The following FKBP5 variants were observed in gnomAD, a reference collection of about 807,000 sequenced individuals.
The protein encoded by FKBP5 is FKBP prolyl isomerase 5.
In FKBP5, 23 loss-of-function variants were observed where a neutral mutation model predicts 50.5. The ratio of observed to expected loss-of-function variants is 0.46; its 90% confidence interval spans 0.33 to 0.65. The LOEUF (loss-of-function observed/expected upper bound fraction) is 0.65. FKBP5 is among the 30% of genes least tolerant of loss of function. The pLI is 0.02. For missense variants in FKBP5, 411 were observed against 553.1 expected, an observed-to-expected ratio of 0.74 and a Z score of 2.58; for synonymous variants, 176 against 190.6, an observed-to-expected ratio of 0.92 and a Z score of 0.63.
intron 2 of FKBP5, among the ~76,000 whole-genome samples, chr6:35,703,951 T>G (rs928994599): frequency 6.6e-6 from 1 of 152,168 alleles, no homozygotes; most frequent in East Asian, 1.9e-4. Context: ...TAGCAGCCAT[T>G]TTCTCTGCAA....
Position 35,701,900 on chromosome 6 carries a change from T to G in FKBP5, c.-20+18428A>C, listed in dbSNP as rs575517365. 6.0e-5 allele frequency among the ~76,000 whole-genome samples: 9 copies of G among 151,002 alleles called. No homozygotes were observed. In the South Asian group the frequency reaches 1.7e-3, roughly 28 times the overall value. On this transcript the variant is annotated intron_variant, in intron 2 of 11. Coordinates refer to the FKBP5 transcript ENST00000536438. ...TCTCACTCTGTCACCCAGGCTGGAG[T>G]GCAATGGCATGATTTCGGCTCACTG...
chr6:35,629,448 C>A (rs1479761534), intron 3 of FKBP5, among the ~76,000 whole-genome samples: 1 of 152,102 alleles, frequency 6.6e-6, no homozygotes, highest in Non-Finnish European at 1.5e-5. Context: ...TTTGTCATTT[C>A]TCTAACTACT....
chr6:35,634,961 G>A (rs1013469053), intron 3 of FKBP5, among the ~76,000 whole-genome samples: 3 of 148,566 alleles, frequency 2.0e-5, no homozygotes, highest in African/African-American at 5.1e-5. Context: ...AGGCTGAGGC[G>A]GGCAGATTGC....
chr6:35,654,493 C>T (rs1764894597), intron 1 of FKBP5, among the ~76,000 whole-genome samples: 1 of 152,018 alleles, frequency 6.6e-6, no homozygotes, highest in Non-Finnish European at 1.5e-5. Context: ...TGTACTATTC[C>T]CCTCATTGTC....
intron 2 of FKBP5, among the ~76,000 whole-genome samples, chr6:35,640,206 C>T (rs963887326): frequency 6.6e-6 from 1 of 152,214 alleles, no homozygotes; most frequent in Admixed American, 6.5e-5. Flanking sequence ...AGTGTACTTA[C>T]ACAAACCTAG....
intron 4 of FKBP5, 49 bp from the exon 5 acceptor site, chr6:35,619,259 C>A (rs780599045): frequency 1.5e-6 from 2 of 1,319,304 alleles, no homozygotes; most frequent in Non-Finnish European, 2.2e-6. Flanking sequence ...ATAAAGCCAA[C>A]TGAACATATG....
At chr6:35,628,723 G>A (rs988606926) in intron 3 of FKBP5, among the ~76,000 whole-genome samples, 4 of 151,728 alleles carry the variant, frequency 2.6e-5, no homozygotes, top group Non-Finnish European at 5.9e-5. Flanking sequence ...AGGTTTTTTT[G>A]TTTTTGTTTT....
At chr6:35,688,694 G>A (rs1765910852) in intron 1 of FKBP5, 110 bp downstream of exon 1, 2 of 150,848 alleles carry the variant, frequency 1.3e-5, no homozygotes, top group East Asian at 1.9e-4. Flanking sequence ...GCCGCGTGGG[G>A]GTGGGAGCTG....
intron 8 of FKBP5, chr6:35,581,587 AAAAAC>A (rs59501604): frequency 0.75 from 734,056 of 976,560 alleles, 276,388 homozygotes; most frequent in Non-Finnish European, 0.76. Context: ...GAGACTCCTC[AAAAAC>A]AAAACAAAAC....
chr6:35,624,768 T>C (rs551925534), intron 3 of FKBP5, among the ~76,000 whole-genome samples: 16 of 152,268 alleles, frequency 1.1e-4, no homozygotes, highest in African/African-American at 3.9e-4. Flanking sequence ...ACAAGTCCTA[T>C]AAAATATTCC....
intron 1 of FKBP5, among the ~76,000 whole-genome samples, chr6:35,687,436 T>C (rs746140087): frequency 5.9e-5 from 9 of 152,160 alleles, no homozygotes; most frequent in Non-Finnish European, 1.3e-4. Flanking sequence ...TGGCTTTTGA[T>C]TCAAACACCA....
intron 5 of FKBP5, among the ~76,000 whole-genome samples, chr6:35,609,267 G>T (rs192088158): frequency 9.2e-5 from 14 of 151,472 alleles, no homozygotes; most frequent in Admixed American, 8.5e-4. Flanking sequence ...TATTTTTTTC[G>T]AAAAGAATAT....
intron 2 of FKBP5, among the ~76,000 whole-genome samples, chr6:35,640,780 T>C (rs1764463315): frequency 6.6e-6 from 1 of 152,212 alleles, no homozygotes; most frequent in African/African-American, 2.4e-5. Context: ...AACTTTTTTT[T>C]GTTTAAAACT....
chr6:35,621,771 T>TA (rs1403366871), intron 3 of FKBP5, among the ~76,000 whole-genome samples: 4 of 151,710 alleles, frequency 2.6e-5, no homozygotes, highest in Non-Finnish European at 5.9e-5. Flanking sequence ...CCCTTGAGCT[T>TA]AGGAGTTTGA....
At chr6:35,686,267 GT>G (rs756595700) in intron 1 of FKBP5, among the ~76,000 whole-genome samples, 8 of 152,020 alleles carry the variant, frequency 5.3e-5, no homozygotes, top group Non-Finnish European at 1.2e-4. Context: ...ACAAGTTAAA[GT>G]AGAGAAAAAT....
intron 8 of FKBP5, chr6:35,584,269 G>A (rs1265907247): frequency 2.0e-6 from 2 of 985,244 alleles, no homozygotes; most frequent in Non-Finnish European, 2.4e-6. Context: ...GTTGAAATGA[G>A]GACTTTACAT....
At chr6:35,727,740 C>CCGGACTGAGCGCTGGAGAAGCA in intron 1 of FKBP5, among the ~76,000 whole-genome samples, 1 of 152,352 alleles carries the variant, frequency 6.6e-6, no homozygotes, top group South Asian at 2.1e-4. Flanking sequence ...CTCCCGCCCC[C>CCGGACTGAGCGCTGGAGAAGCA]CGGACTGAGC....
At chr6:35,591,315 G>T in intron 6 of FKBP5, 95 bp from the exon 7 acceptor site, 1 of 781,360 alleles carries the variant, frequency 1.3e-6, no homozygotes, top group Non-Finnish European at 2.1e-6. Context: ...GCTATCATTT[G>T]CAAGCTACAT....
intron 1 of FKBP5, among the ~76,000 whole-genome samples, chr6:35,648,292 C>T (rs1337081669): frequency 6.6e-6 from 1 of 152,120 alleles, no homozygotes; most frequent in East Asian, 1.9e-4. Flanking sequence ...TCTTAAGAGA[C>T]AGGGTCTTGC....
Sources: allele counts gnomAD v4.1 joint callset (sites outside exome capture counted in the v4.1 genomes callset), GRCh38; gene constraint gnomAD v4.1.1; transcripts MANE v1.5; gene names NCBI Gene and HGNC (gene_info 2026-07-23, HGNC 2026-07-21).